EXD3: variants seen among roughly 807,000 people sequenced by gnomAD.
The protein encoded by EXD3 is exonuclease 3'-5' domain containing 3, also known as exonuclease mut-7 homolog.
EXD3 carries 92 observed loss-of-function variants against 98.0 expected under a neutral mutation model. That is an observed-to-expected ratio of 0.94 (90% CI 0.79 to 1.12). The LOEUF (loss-of-function observed/expected upper bound fraction) is 1.12. Ranked by LOEUF, EXD3 falls within the 50% of genes most tolerant of loss-of-function variation. The pLI is 0.00. For synonymous variants in EXD3, 569 were observed against 526.0 expected, an observed-to-expected ratio of 1.08 and a Z score of -1.12; for missense variants, 1,222 against 1,191.6, an observed-to-expected ratio of 1.03 and a Z score of -0.38.
intron 17 of EXD3, among the ~76,000 whole-genome samples, chr9:137,328,082 C>T (rs375844730): frequency 6.8e-6 from 1 of 146,488 alleles, no homozygotes; most frequent in African/African-American, 2.5e-5. Context: ...TAACATACTC[C>T]CATATGATGA....
At chr9:137,409,165 G>A (rs1837877234) in intron 1 of EXD3, among the ~76,000 whole-genome samples, 1 of 152,198 alleles carries the variant, frequency 6.6e-6, no homozygotes, top group African/African-American at 2.4e-5. Context: ...TATCACGGGA[G>A]TGGAACTGGT....
intron 19 of EXD3, among the ~76,000 whole-genome samples, chr9:137,322,447 C>A (rs987866558): frequency 1.7e-4 from 17 of 102,776 alleles, no homozygotes; most frequent in South Asian, 9.9e-4. Context: ...TCACCCCGGA[C>A]CCACGAGGGA....
Position 137,351,467 on chromosome 9 carries a change from G to A in EXD3, c.1235C>T (p.Pro412Leu). The A allele has an allele frequency of 2.5e-6, 4 of 1,601,276 alleles. No homozygotes were observed. The highest frequency in any genetic ancestry group is 3.4e-6 in the Non-Finnish European group (4 of 1,175,448). The change falls in exon 13 of 22, where the codon CCT (proline) becomes CTT (leucine). Residue 412 changes from proline (P) to leucine (L), a missense_variant. Pro to Leu is a moderately conservative substitution (Grantham distance 98). Coordinates refer to ENST00000340951, the MANE Select transcript of EXD3 (RefSeq NM_017820.5). ...WTPVFVAGGR[P>L]RPSLLQVAVE... ...GGCCACCTGCAGGAGTGACGGCCGA[G>A]GCCGGCCCCCAGCAACAAACACAGG...
chr9:137,367,891 T>C (rs1249910354), intron 6 of EXD3, 45 bp downstream of exon 6: 6 of 1,582,716 alleles, frequency 3.8e-6, no homozygotes, highest in Non-Finnish European at 5.2e-6. Flanking sequence ...ACCTGGGCGT[T>C]ATCCAAGTTT....
At chr9:137,366,029 T>G (rs1399972211) in intron 7 of EXD3, 6 of 630,062 alleles carry the variant, frequency 9.5e-6, no homozygotes, top group Non-Finnish European at 1.8e-5. Flanking sequence ...CACACATACA[T>G]GCACACACAT....
intron 17 of EXD3, among the ~76,000 whole-genome samples, chr9:137,329,160 C>T (rs1471949167): frequency 6.5e-5 from 1 of 15,424 alleles, no homozygotes. Flanking sequence ...CACGGGGCTA[C>T]ACGGGGCTAC....
rs543001062 is a variant in EXD3 at position 137,309,660 on chromosome 9, A to T, written c.2225T>A (p.Met742Lys). ...GCTGAGCCACATGAGCTGCTTCATC[A>T]TGTCCCTGGAGACCTTTAGGTACTG... is the stretch of plus-strand genomic sequence containing the variant. Reference protein sequence around the residue: ...CDQYLKVSRDMMKQLMWLSSH... With the variant: ...CDQYLKVSRDKMKQLMWLSSH... The change falls in exon 20 of 22, where the codon ATG (methionine) becomes AAG (lysine). Residue 742 changes from methionine (M) to lysine (K), a missense_variant. Met to Lys is a moderately conservative substitution (Grantham distance 95, BLOSUM62 -1). Transcript: ENST00000340951. 4.0e-5 allele frequency: 63 copies of T among 1,560,874 alleles called. No individual in the cohort carries two copies. In the East Asian group the frequency reaches 1.4e-3, roughly 35 times the overall value.
At chr9:137,343,942 A>AGT (rs1230951245) in intron 17 of EXD3, among the ~76,000 whole-genome samples, 1 of 101,358 alleles carries the variant, frequency 9.9e-6, no homozygotes, top group African/African-American at 4.0e-5. Context: ...CCCAGGCTGG[A>AGT]GTGCAGTGGC....
In EXD3 at chr9:137,407,805, C is replaced by T. The variant is rs28657895; in HGVS notation, c.-47-12401G>A. Among the ~76,000 whole-genome samples the T allele has an allele frequency of 9.5e-3, 1,427 of 150,620 alleles. 20 individuals carry two copies. Among genetic ancestry groups the T allele is most frequent in the African/African-American group, 0.031 (1,274 of 41,316 alleles). On this transcript the variant is annotated intron_variant, in intron 1 of 21. Transcript: ENST00000340951. This position sits in a 1 kb window ranked among gnomAD's most constrained non-coding sequence, Gnocchi z 4.4. ...CAGGCATTCGAGGTCTTGGATGCGC[C>T]GGCTGGACCCAAGGACACACGCGGG...
intron 17 of EXD3, among the ~76,000 whole-genome samples, chr9:137,328,308 T>C (rs78744940): frequency 0.091 from 257 of 2,838 alleles, 9 homozygotes; most frequent in Middle Eastern, 0.17. Context: ...TAAACACCCA[T>C]ATGATGAGTA....
At chr9:137,415,370 T>C (rs920249296) in intron 1 of EXD3, among the ~76,000 whole-genome samples, 7 of 152,078 alleles carry the variant, frequency 4.6e-5, no homozygotes, top group Middle Eastern at 3.4e-3. Flanking sequence ...ATTTTTGTAA[T>C]TTTAGTAGAG....
At position 137,373,058 on chromosome 9, in the gene EXD3, C is replaced by T. The variant is rs1316370059; in HGVS notation, c.309G>A (p.Leu103=). Residue 103 remains leucine, a synonymous_variant, in exon 5 of 22, where the codon CTG becomes CTA. Coordinates refer to ENST00000340951, the MANE Select transcript of EXD3 (RefSeq NM_017820.5). ...CPSLAQHSLR[L]KQLQARAVKV... ...TGACCGCTCGGGCCTGCAGCTGCTTCAGCCTCAGGCTGTGCTGGAAGAGCA... is the reference window on the plus strand; with the variant it reads ...TGACCGCTCGGGCCTGCAGCTGCTTTAGCCTCAGGCTGTGCTGGAAGAGCA... 1.3e-6 allele frequency: 2 copies of T among 1,580,632 alleles called. No individual in the cohort carries two copies. Among genetic ancestry groups the T allele is most frequent in the African/African-American group, 1.3e-5 (1 of 74,328 alleles).
rs1298975896 is a variant in EXD3 at position 137,407,464 on chromosome 9, A to G, written c.-47-12060T>C. Among the ~76,000 whole-genome samples the G allele has an allele frequency of 6.6e-6, 1 of 152,094 alleles. No homozygotes were observed. Among genetic ancestry groups the G allele is most frequent in the Non-Finnish European group, 1.5e-5 (1 of 68,000 alleles). On this transcript the variant is annotated intron_variant, in intron 1 of 21. Transcript: ENST00000340951. This position sits in a 1 kb window ranked among gnomAD's most constrained non-coding sequence, Gnocchi z 4.4. ...TTCCTGGGGGCCTCTGTGCCGTGCAAAGGGCAGGTCTGGCCGCTCTCGGGC... is the reference window on the plus strand; with the variant it reads ...TTCCTGGGGGCCTCTGTGCCGTGCAGAGGGCAGGTCTGGCCGCTCTCGGGC...
Position 137,324,278 on chromosome 9 carries a change from TGCCTGGG to T in EXD3, c.1999-142_1999-136del, listed in dbSNP as rs905407425. 80 of 705,996 alleles carry T rather than the reference TGCCTGGG, an allele frequency of 1.1e-4. No individual in the cohort carries two copies. In the Admixed American group the frequency reaches 2.0e-3, roughly 18 times the overall value. 43.7% of individuals were successfully genotyped at this position (705,996 alleles called of 1,614,324 possible). On this transcript the variant is annotated intron_variant, in intron 17 of 21. Coordinates refer to ENST00000340951, the MANE Select transcript of EXD3 (RefSeq NM_017820.5). The surrounding 1 kb of genome is among the most constrained non-coding windows in gnomAD (Gnocchi z 4.1). ...CCCTTTTGTCCTCCAGGGTGGCCTC[TGCCTGGG>T]GTCTTGGGTGGTGAGGAGCCCTCTG... is the stretch of plus-strand genomic sequence containing the variant.
At chr9:137,351,610 C>G (rs1834310069) in intron 12 of EXD3, 82 bp from the exon 13 acceptor site, 1 of 1,354,476 alleles carries the variant, frequency 7.4e-7, no homozygotes, top group Non-Finnish European at 1.0e-6. Context: ...CTGAGCAGCT[C>G]TGTGAGCTTG....
intron 20 of EXD3, 105 bp from the exon 21 acceptor site, chr9:137,307,751 G>T: frequency 7.7e-7 from 1 of 1,294,112 alleles, no homozygotes; most frequent in Non-Finnish European, 1.1e-6. Flanking sequence ...GTCACCTCAT[G>T]GGGTGCAGCC....
In EXD3 at chr9:137,373,570, A is replaced by G. The variant is rs1835750014; in HGVS notation, c.150T>C (p.Ala50=). The change falls in exon 4 of 22, where the codon GCT becomes GCC. Residue 50 remains alanine (A), a synonymous_variant. Coordinates refer to ENST00000340951, the MANE Select transcript of EXD3 (RefSeq NM_017820.5). ...GCCCGGCCAGGGGGTCGTCCAAGGC[A>G]GCAAACCCCCGCCAGGCTTCCTCCC... The part of the protein sequence containing the change: ...QLREEAWRGF[A]ALDDPLAGLL... 1.2e-6 allele frequency: 2 copies of G among 1,603,538 alleles called. No individual in the cohort carries two copies. The highest frequency in any genetic ancestry group is 1.7e-6 in the Non-Finnish European group (2 of 1,175,990).
chr9:137,307,171 T>G lies in EXD3; in HGVS notation c.2410A>C (p.Met804Leu), dbSNP rs745308228. Residue 804 changes from methionine (M) to leucine (L), a missense_variant, in exon 22 of 22, where the codon ATG becomes CTG. Transcript: ENST00000340951. ...TGCAGCCGGGTGCCGTCGGCCAGCATGTCCGGTGTCTCCGCCCGCAGGTCA... is the reference window on the plus strand; with the variant it reads ...TGCAGCCGGGTGCCGTCGGCCAGCAGGTCCGGTGTCTCCGCCCGCAGGTCA... ...MADLRAETPD[M>L]LADGTRLQLA... 1 of 1,588,414 alleles carries G rather than the reference T, an allele frequency of 6.3e-7. No homozygotes were observed. Among genetic ancestry groups the G allele is most frequent in the Non-Finnish European group, 8.6e-7 (1 of 1,168,730 alleles).
chr9:137,320,804 C>T (rs1384288262), intron 19 of EXD3, among the ~76,000 whole-genome samples: 2 of 152,184 alleles, frequency 1.3e-5, no homozygotes, highest in Non-Finnish European at 1.5e-5. Context: ...TCCCAGCTAC[C>T]CAACTTCCTG....
Sources: gnomAD v4.1 joint callset for allele counts (sites outside exome capture counted in the v4.1 genomes callset) on GRCh38, gnomAD v4.1.1 for gene constraint, Gnocchi (gnomAD v3.1) non-coding constraint, MANE v1.5 for transcripts, NCBI Gene and HGNC (gene_info 2026-07-23, HGNC 2026-07-21) for gene names.